The following ADAM32 variants were observed in gnomAD, a reference collection of about 807,000 sequenced individuals.
ADAM32 encodes the protein ADAM metallopeptidase domain 32.
A neutral mutation model predicts 114.9 loss-of-function variants in ADAM32; 89 were observed. That is an observed-to-expected ratio of 0.77 (90% CI 0.65 to 0.92). ADAM32 has a LOEUF of 0.92. Among genes scored for constraint, ADAM32 ranks in the 40% least tolerant of loss-of-function variants. ADAM32 has a pLI of 0.00. For missense variants in ADAM32, 870 were observed against 932.8 expected (o/e 0.93, Z 0.88); for synonymous variants, 285 against 307.5 (o/e 0.93, Z 0.77).
At chr8:39,111,977 CAT>C (rs897441307) in intron 1 of ADAM32, among the ~76,000 whole-genome samples, 10 of 151,978 alleles carry the variant, frequency 6.6e-5, no homozygotes, top group East Asian at 1.9e-4. Flanking sequence ...TATTTATAAA[CAT>C]ATATATTTCT....
chr8:39,114,198 T>C (rs1840281423), intron 1 of ADAM32, among the ~76,000 whole-genome samples: 1 of 152,206 alleles, frequency 6.6e-6, no homozygotes, highest in Admixed American at 6.5e-5. Context: ...TTAGTGTCAG[T>C]TCAGAGTCAG....
Position 39,234,024 on chromosome 8 carries a change from C to A in ADAM32, c.1760C>A (p.Pro587His). The A allele has an allele frequency of 6.5e-7, 1 of 1,537,636 alleles. No individual in the cohort carries two copies. The highest frequency in any genetic ancestry group is 2.0e-5 in the Admixed American group (1 of 50,724). ...SVCITVDYKL[P>H]RTVPDPLAVK... is the part of the protein sequence containing the mutation. ...TGCATAACTGTAGACTACAAATTGC[C>A]TCGAACAGTTCCAGATCCACTGGCT... Residue 587 changes from proline (P) to histidine (H), a missense_variant, in exon 16 of 25, where the codon CCT becomes CAT. Pro to His is a moderately conservative substitution (Grantham distance 77). Transcript: ENST00000379907.
intron 10 of ADAM32, among the ~76,000 whole-genome samples, chr8:39,183,704 C>T (rs1806052212): frequency 6.6e-6 from 1 of 152,222 alleles, no homozygotes. Flanking sequence ...GCTGGTGCCA[C>T]AACTGAATCT....
At chr8:39,184,418 C>T (rs1806094047) in intron 10 of ADAM32, among the ~76,000 whole-genome samples, 1 of 152,120 alleles carries the variant, frequency 6.6e-6, no homozygotes, top group Non-Finnish European at 1.5e-5. Context: ...AATAGTAGGA[C>T]ATATCTGAAG....
chr8:39,185,960 T>A (rs1013715338), intron 10 of ADAM32, among the ~76,000 whole-genome samples: 1 of 152,118 alleles, frequency 6.6e-6, no homozygotes, highest in Non-Finnish European at 1.5e-5. Context: ...TAAAGAGATG[T>A]TATTCCAATT....
At chr8:39,180,320 C>T (rs1055431144) in intron 10 of ADAM32, among the ~76,000 whole-genome samples, 2 of 152,198 alleles carry the variant, frequency 1.3e-5, no homozygotes, top group Non-Finnish European at 2.9e-5. Context: ...GTGCTGTGCT[C>T]GATTTCTCGC....
intron 20 of ADAM32, among the ~76,000 whole-genome samples, chr8:39,272,993 G>C (rs139017279): frequency 1.3e-5 from 2 of 151,478 alleles, no homozygotes; most frequent in African/African-American, 4.9e-5. Flanking sequence ...ATTAGCCTTG[G>C]TCTATGCAGG....
chr8:39,123,732 A>C (rs1422677122), intron 2 of ADAM32, among the ~76,000 whole-genome samples: 4 of 117,398 alleles, frequency 3.4e-5, no homozygotes, highest in African/African-American at 1.4e-4. Flanking sequence ...TTTGAGTTGG[A>C]GTCTCACTCT....
chr8:39,238,305 G>A (rs997505384), intron 16 of ADAM32, among the ~76,000 whole-genome samples: 35 of 152,290 alleles, frequency 2.3e-4, no homozygotes, highest in South Asian at 4.2e-4. Context: ...GCTCCACTGC[G>A]TGGCTAGACC....
At chr8:39,250,368 C>G (rs1033562862) in intron 17 of ADAM32, among the ~76,000 whole-genome samples, 6 of 151,600 alleles carry the variant, frequency 4.0e-5, no homozygotes, top group African/African-American at 1.5e-4. Flanking sequence ...TATTTACGGG[C>G]CCATCAAAAG....
chr8:39,157,429 T>C (rs1165103353), intron 6 of ADAM32: 5 of 268,478 alleles, frequency 1.9e-5, no homozygotes, highest in Non-Finnish European at 3.6e-5. Flanking sequence ...ATGAGCTTGA[T>C]GGTGTCCCAC....
At chr8:39,274,130 T>A (rs1274440526) in intron 20 of ADAM32, among the ~76,000 whole-genome samples, 182 bp from the exon 21 acceptor site, 1 of 152,218 alleles carries the variant, frequency 6.6e-6, no homozygotes, top group African/African-American at 2.4e-5. Context: ...ATGAGGTATA[T>A]GGGTAGATGA....
rs188116771 is a variant in ADAM32, at chr8:39,122,450, G to A, written c.138+4285G>A. Among the ~76,000 whole-genome samples, 5 of 152,240 alleles carry A rather than the reference G, an allele frequency of 3.3e-5. No homozygotes were observed. In the East Asian group the frequency reaches 9.7e-4, roughly 29 times the overall value. On this transcript the variant is annotated intron_variant, in intron 2 of 24. Coordinates refer to ENST00000379907, the MANE Select transcript of ADAM32 (RefSeq NM_145004.7). The stretch of plus-strand genomic sequence containing the variant: ...GTCTCCATGCATACACAGAAAAAAG[G>A]CCATGTGAGAACATAGTGAGAAAAG...
intron 12 of ADAM32, chr8:39,220,955 T>C (rs1461853174): frequency 1.4e-5 from 2 of 145,296 alleles, no homozygotes; most frequent in East Asian, 3.8e-4. Flanking sequence ...GATGTCTGTG[T>C]TGATTTTTTC....
intron 12 of ADAM32, among the ~76,000 whole-genome samples, chr8:39,218,769 TC>T (rs764913743): frequency 6.6e-6 from 1 of 151,992 alleles, no homozygotes; most frequent in Non-Finnish European, 1.5e-5. Flanking sequence ...GGCAGTGGGC[TC>T]CCCTCTGTCC....
chr8:39,276,572 G>C (rs1294267254), intron 22 of ADAM32, among the ~76,000 whole-genome samples: 1 of 152,196 alleles, frequency 6.6e-6, no homozygotes, highest in Non-Finnish European at 1.5e-5. Context: ...GCCCACTGCT[G>C]TTCCCAAACA....
chr8:39,113,600 AC>A (rs1274676827), intron 1 of ADAM32, among the ~76,000 whole-genome samples: 4 of 152,156 alleles, frequency 2.6e-5, no homozygotes, highest in Admixed American at 1.3e-4. Flanking sequence ...TGCTGCAACC[AC>A]TGGACCCCAA....
chr8:39,145,674 G>A (rs1803462180), intron 3 of ADAM32, among the ~76,000 whole-genome samples: 1 of 152,104 alleles, frequency 6.6e-6, no homozygotes, highest in South Asian at 2.1e-4. Context: ...ACAGTATGAA[G>A]TACTTGAGAG....
At chr8:39,266,368 T>A (rs1812354594) in intron 19 of ADAM32, among the ~76,000 whole-genome samples, 1 of 152,228 alleles carries the variant, frequency 6.6e-6, no homozygotes, top group South Asian at 2.1e-4. Flanking sequence ...AAAAAATTAT[T>A]TTTTCTTTTT....
Sources: allele counts gnomAD v4.1 joint callset (sites outside exome capture counted in the v4.1 genomes callset), GRCh38; gene constraint gnomAD v4.1.1; transcripts MANE v1.5; gene names NCBI Gene and HGNC (gene_info 2026-07-23, HGNC 2026-07-21).